TTC29: variants seen among roughly 807,000 people sequenced by gnomAD.
TTC29 encodes the protein tetratricopeptide repeat protein 29.
A neutral mutation model predicts 58.1 loss-of-function variants in TTC29; 49 were observed. That is an observed-to-expected ratio of 0.84 (90% CI 0.67 to 1.07). The LOEUF (loss-of-function observed/expected upper bound fraction) is 1.07. Among genes scored for constraint, TTC29 ranks in the 50% least tolerant of loss-of-function variants. The pLI is 0.00. For synonymous variants in TTC29, 209 were observed against 196.8 expected (o/e 1.06, Z -0.52); for missense variants, 582 against 555.6 (o/e 1.05, Z -0.48).
intron 11 of TTC29, among the ~76,000 whole-genome samples, chr4:146,727,518 G>A (rs1743884690): frequency 6.6e-6 from 1 of 152,124 alleles, no homozygotes; most frequent in Non-Finnish European, 1.5e-5. Context: ...TTCCCTCCCT[G>A]AAACCACCGA....
At chr4:146,732,603 T>C (rs1380726883) in intron 11 of TTC29, among the ~76,000 whole-genome samples, 3 of 151,776 alleles carry the variant, frequency 2.0e-5, no homozygotes, top group Non-Finnish European at 4.4e-5. Context: ...CGGGAATGAG[T>C]AGGTAAGATA....
chr4:146,820,329 C>T, intron 9 of TTC29, 81 bp from the exon 10 acceptor site: 2 of 1,466,186 alleles, frequency 1.4e-6, no homozygotes, highest in East Asian at 2.4e-5. Flanking sequence ...TGTGTCTTTG[C>T]TGTAGAAAAT....
At chr4:146,943,318 T>C (rs1736603675) in intron 2 of TTC29, among the ~76,000 whole-genome samples, 3 of 152,024 alleles carry the variant, frequency 2.0e-5, no homozygotes, top group South Asian at 4.1e-4. Flanking sequence ...TTTAGTTTAA[T>C]GTAAGTACTG....
At chr4:146,722,362 C>A (rs911189134) in intron 11 of TTC29, among the ~76,000 whole-genome samples, 7 of 152,112 alleles carry the variant, frequency 4.6e-5, no homozygotes, top group African/African-American at 1.7e-4. Flanking sequence ...ATAGCCAAAG[C>A]AATCCTAAGC....
chr4:146,778,422 GT>G (rs1195723313), intron 11 of TTC29, among the ~76,000 whole-genome samples: 2 of 151,720 alleles, frequency 1.3e-5, no homozygotes, highest in Admixed American at 6.6e-5. Flanking sequence ...ACAAATTTTT[GT>G]TGAAATTAAC....
At chr4:146,809,704 C>T (rs1166639400) in intron 10 of TTC29, among the ~76,000 whole-genome samples, 1 of 149,776 alleles carries the variant, frequency 6.7e-6, no homozygotes, top group Non-Finnish European at 1.5e-5. Context: ...CAAATCAAAA[C>T]CACAATGAGA....
chr4:146,821,369 T>A (rs1261464684), intron 9 of TTC29, among the ~76,000 whole-genome samples: 2 of 152,176 alleles, frequency 1.3e-5, no homozygotes, highest in African/African-American at 4.8e-5. Flanking sequence ...ATTGAAGGCT[T>A]TTAAAGTCTA....
At chr4:146,919,404 T>C (rs912282862) in intron 4 of TTC29, among the ~76,000 whole-genome samples, 3 of 151,104 alleles carry the variant, frequency 2.0e-5, no homozygotes, top group Admixed American at 6.6e-5. Flanking sequence ...AATTCTGGTG[T>C]ATTATGTGTC....
At chr4:146,880,311 G>A (rs1731540336) in intron 6 of TTC29, among the ~76,000 whole-genome samples, 1 of 152,130 alleles carries the variant, frequency 6.6e-6, no homozygotes, top group African/African-American at 2.4e-5. Flanking sequence ...CATAAACAAT[G>A]AGGAGTTTGG....
chr4:146,877,018 G>A (rs968564221), intron 6 of TTC29, among the ~76,000 whole-genome samples: 4 of 151,550 alleles, frequency 2.6e-5, no homozygotes, highest in Admixed American at 6.6e-5. Flanking sequence ...ACATGTCAGC[G>A]AAGATACATA....
intron 11 of TTC29, among the ~76,000 whole-genome samples, chr4:146,743,206 C>T (rs955671612): frequency 6.6e-6 from 1 of 151,830 alleles, no homozygotes; most frequent in African/African-American, 2.4e-5. Flanking sequence ...TATAATTGGC[C>T]TTGGGAGGGT....
intron 11 of TTC29, among the ~76,000 whole-genome samples, chr4:146,721,030 C>A (rs141230589): frequency 6.6e-6 from 1 of 152,178 alleles, no homozygotes; most frequent in East Asian, 1.9e-4. Flanking sequence ...GAAGTTTAAT[C>A]TGCAATTATG....
intron 6 of TTC29, among the ~76,000 whole-genome samples, chr4:146,897,479 C>T (rs751166575): frequency 5.9e-5 from 9 of 152,104 alleles, no homozygotes; most frequent in Non-Finnish European, 1.2e-4. Context: ...GTATGCCATG[C>T]CCTATGACTG....
intron 9 of TTC29, among the ~76,000 whole-genome samples, chr4:146,827,282 T>C (rs959992540): frequency 6.6e-6 from 1 of 152,202 alleles, no homozygotes; most frequent in African/African-American, 2.4e-5. Flanking sequence ...ATAACTTGGT[T>C]GCTGGTGAAG....
At chr4:146,789,357 C>T (rs971838441) in intron 11 of TTC29, among the ~76,000 whole-genome samples, 1 of 152,138 alleles carries the variant, frequency 6.6e-6, no homozygotes, top group Non-Finnish European at 1.5e-5. Flanking sequence ...GATTCTTAAG[C>T]CCCTTCATTA....
chr4:146,849,100 GC>G (rs1172130764), intron 8 of TTC29, among the ~76,000 whole-genome samples: 1 of 152,068 alleles, frequency 6.6e-6, no homozygotes, highest in Non-Finnish European at 1.5e-5. Flanking sequence ...TCACCCTTGA[GC>G]CCCAGTCCCT....
At chr4:146,896,851 T>G (rs1052256273) in intron 6 of TTC29, among the ~76,000 whole-genome samples, 1 of 152,200 alleles carries the variant, frequency 6.6e-6, no homozygotes, top group African/African-American at 2.4e-5. Flanking sequence ...CCTGATTTTA[T>G]CTGGTGCTCA....
intron 6 of TTC29, among the ~76,000 whole-genome samples, chr4:146,877,821 T>G (rs55990502): frequency 3.9e-5 from 6 of 151,910 alleles, no homozygotes; most frequent in African/African-American, 1.5e-4. Context: ...GGAAATGAAG[T>G]TCTGGGTAAC....
intron 8 of TTC29, among the ~76,000 whole-genome samples, chr4:146,866,596 C>T (rs1346663096): frequency 2.0e-5 from 3 of 151,946 alleles, no homozygotes; most frequent in Admixed American, 6.6e-5. Flanking sequence ...CTCTGTGTTC[C>T]CCAAGGTATC....
Sources: gnomAD v4.1 joint callset for allele counts (sites outside exome capture counted in the v4.1 genomes callset) on GRCh38, gnomAD v4.1.1 for gene constraint, MANE v1.5 for transcripts, NCBI Gene and HGNC (gene_info 2026-07-23, HGNC 2026-07-21) for gene names.